The following OPLAH variants were observed in gnomAD, a reference collection of about 807,000 sequenced individuals.
OPLAH encodes 5-oxoprolinase.
Under a neutral mutation model 122.8 loss-of-function variants are expected in OPLAH, and 103 were observed. The ratio of observed to expected loss-of-function variants is 0.84; its 90% CI spans 0.71 to 0.99. The LOEUF is 0.99. Ranked by LOEUF, OPLAH falls within the 50% of genes least tolerant of loss-of-function variation. The pLI, the probability that OPLAH is intolerant of heterozygous loss-of-function variation, is 0.00. For missense variants in OPLAH, 1,902 were observed against 1,836.5 expected, an observed-to-expected ratio of 1.04 and a Z score of -0.65; for synonymous variants, 875 against 796.0, an observed-to-expected ratio of 1.10 and a Z score of -1.67.
upstream of OPLAH, among the ~76,000 whole-genome samples, chr8:144,062,461 C>G (rs1344155820): frequency 6.6e-6 from 1 of 151,856 alleles, no homozygotes; most frequent in Non-Finnish European, 1.5e-5. Context: ...CCTGCCTGCT[C>G]TGAGCAGTCC....
chr8:144,060,059 G>A lies in OPLAH; in HGVS notation c.-27C>T, dbSNP rs782075458. Reference sequence around the variant, plus strand: ...GTGGTGGGGCTGGAGTCCCACAGGAGCTCTTCAGCTGGTAGCCCTGGAAAA... The same window carrying A: ...GTGGTGGGGCTGGAGTCCCACAGGAACTCTTCAGCTGGTAGCCCTGGAAAA... On this transcript the variant is annotated 5_prime_UTR_variant, in exon 2 of 27. Transcript: ENST00000618853. 6.2e-7 allele frequency: 1 copy of A among 1,601,950 alleles called. No individual in the cohort carries two copies. The highest frequency in any genetic ancestry group is 8.5e-7 in the Non-Finnish European group (1 of 1,174,280).
At position 144,058,145 on chromosome 8, in the gene OPLAH, G is replaced by A. The variant is rs1554759854; in HGVS notation, c.953C>T (p.Thr318Met). Reference sequence around the variant, plus strand: ...AGCATAGCGGCTCACATCCGTGGACGTGCCTGGCAGGGGTGGGGTGCTGGT... The same window carrying A: ...AGCATAGCGGCTCACATCCGTGGACATGCCTGGCAGGGGTGGGGTGCTGGT... ...QPVIGFDMGG[T>M]STDVSRYAGE... is the part of the protein sequence containing the mutation. The change falls in exon 8 of 27, where the codon ACG (threonine) becomes ATG (methionine). Residue 318 changes from threonine (T) to methionine (M), a missense_variant. By Grantham distance (81) the Thr-to-Met change is moderately conservative. Around this residue, in one of 3 missense-constraint regions of OPLAH, gnomAD observed 1,726 missense variants for 1,642.1 expected, o/e 1.05. Coordinates refer to ENST00000618853, the MANE Select transcript of OPLAH (RefSeq NM_017570.5). 1.2e-5 allele frequency: 19 copies of A among 1,612,152 alleles called. No individual in the cohort carries two copies. The highest frequency in any genetic ancestry group is 1.2e-4 in the Admixed American group (7 of 59,984).
In OPLAH at chr8:144,058,403, T is replaced by C; in HGVS notation, c.785A>G (p.Asp262Gly). The C allele has an allele frequency of 6.3e-7, 1 of 1,588,528 alleles. No individual in the cohort carries two copies. The highest frequency in any genetic ancestry group is 1.7e-5 in the Admixed American group (1 of 58,048). Residue 262 changes from aspartate (D) to glycine (G), a missense_variant and splice_region_variant, in exon 7 of 27, where the codon GAT becomes GGT. Around this residue, in one of 3 missense-constraint regions of OPLAH, gnomAD observed 1,726 missense variants for 1,642.1 expected, o/e 1.05. Transcript: ENST00000618853. ...FCRGFQGQLK[D>G]VQVLFMRSDG... The stretch of plus-strand genomic sequence containing the variant: ...GGAGCGCATGAACAACACCTGCACA[T>C]CCTGCGAGCGGGCAGCAGGCGGGCC...
upstream of OPLAH, among the ~76,000 whole-genome samples, chr8:144,061,683 T>TTTC: frequency 6.6e-6 from 1 of 152,148 alleles, no homozygotes; most frequent in African/African-American, 2.4e-5. Context: ...AGGGGAGGCA[T>TTTC]TAATAATCCA....
chr8:144,057,070 C>T lies in OPLAH; in HGVS notation c.1584G>A (p.Val528=), dbSNP rs188318488. The change falls in exon 12 of 27, where the codon GTG becomes GTA. Residue 528 remains valine (V), a synonymous_variant. Transcript: ENST00000618853. ...GGGAGCAGGGTTCCTGTGCCTCATG[C>T]ACCACGTCAGCCAGGGCCAGCCCCA... The part of the protein sequence containing the change: ...SALGLALADV[V]HEAQEPCSLL... The T allele has an allele frequency of 8.3e-5, 133 of 1,602,676 alleles. No individual in the cohort carries two copies. The highest frequency in any genetic ancestry group is 3.3e-4 in the Middle Eastern group (2 of 6,036).
In OPLAH at chr8:144,052,677, C is replaced by T. The variant is rs1835413327; in HGVS notation, c.3154-79G>A. On this transcript the variant is annotated intron_variant, in intron 22 of 26. Transcript: ENST00000618853. ...AGCACCCCACCCCCCGCCCCAGCAC[C>T]CGTGGGGTCAGACCGTGGCTGGGCC... is the stretch of plus-strand genomic sequence containing the variant. 3 of 1,535,666 alleles carry T rather than the reference C, an allele frequency of 2.0e-6. No homozygotes were observed. In the African/African-American group the frequency reaches 4.1e-5, roughly 21 times the overall value.
rs782270790 is a variant in OPLAH at position 144,059,668 on chromosome 8, C to T, written c.294G>A (p.Leu98=). The T allele has an allele frequency of 9.3e-6, 15 of 1,612,400 alleles. No homozygotes were observed. In the East Asian group the frequency reaches 3.3e-4, roughly 36 times the overall value. Residue 98 remains leucine, a synonymous_variant, in exon 3 of 27, where the codon CTG becomes CTA. Coordinates refer to ENST00000618853, the MANE Select transcript of OPLAH (RefSeq NM_017570.5). ...LLERKGERVA[L]LVTRGFRDLL... ...GGTCTCGGAAGCCACGTGTCACCAG[C>T]AGCGCCACCCGCTCCCCCTTCCGCT... is the stretch of plus-strand genomic sequence containing the variant.
intron 19 of OPLAH, 131 bp downstream of exon 19, chr8:144,054,430 C>G: frequency 9.9e-7 from 1 of 1,008,442 alleles, no homozygotes; most frequent in Non-Finnish European, 1.4e-6. Context: ...GGGGTAACCA[C>G]CTATCTCCTC....
chr8:144,052,523 C>T lies in OPLAH; in HGVS notation c.3229G>A (p.Gly1077Ser), dbSNP rs1226196479. The change falls in exon 23 of 27, where the codon GGC becomes AGC. Residue 1077 changes from glycine to serine, a missense_variant. This residue lies in a region of OPLAH where 1,726 missense variants were observed against 1,642.1 expected (regional missense o/e 1.05). Transcript: ENST00000618853. ...CGCTGCGACGTGAGCACGTTGCCGC[C>T]CACCACCGCCGCCTCGGGCGACGGG... ...LDPSPEAAVVGGNVLTSQRVV... is the reference protein window; with the variant it reads ...LDPSPEAAVVSGNVLTSQRVV... The T allele has an allele frequency of 3.8e-6, 6 of 1,586,526 alleles. No individual in the cohort carries two copies. Among genetic ancestry groups the T allele is most frequent in the South Asian group, 1.1e-5 (1 of 88,554 alleles).
In OPLAH at chr8:144,056,269, G is replaced by A. The variant is rs1421462272; in HGVS notation, c.1984-10C>T. On this transcript the variant is annotated splice_polypyrimidine_tract_variant and intron_variant, in intron 14 of 26. Coordinates refer to ENST00000618853, the MANE Select transcript of OPLAH (RefSeq NM_017570.5). ...AGTAGCACTGGGTCATCTGCAGAGG[G>A]TGCGGGTGAGTACAGCGCCCGGGCC... 6 of 1,608,462 alleles carry A rather than the reference G, an allele frequency of 3.7e-6. No individual in the cohort carries two copies. Among genetic ancestry groups the A allele is most frequent in the Non-Finnish European group, 4.3e-6 (5 of 1,176,392 alleles).
chr8:144,057,985 C>T, intron 8 of OPLAH, 25 bp downstream of exon 8: 1 of 1,612,146 alleles, frequency 6.2e-7, no homozygotes, highest in Non-Finnish European at 8.5e-7. Context: ...GCTGGGGTCC[C>T]AGCCTGGGAA....
rs902011257 is a variant in OPLAH at position 144,052,831 on chromosome 8, C to T, written c.3088G>A (p.Val1030Ile). 3 of 1,557,512 alleles carry T rather than the reference C, an allele frequency of 1.9e-6. No individual in the cohort carries two copies. The highest frequency in any genetic ancestry group is 1.4e-5 in the African/African-American group (1 of 73,254). The stretch of plus-strand genomic sequence containing the variant: ...CAGTAGATGAGGGCGGACAGGGTTA[C>T]GGCCCGCGGTGCGTTGAGATTACCA... The part of the protein sequence containing the change: ...VFGNLNAPRA[V>I]TLSALIYCLR... The change falls in exon 22 of 27, where the codon GTA (valine) becomes ATA (isoleucine). Residue 1030 changes from valine (V) to isoleucine (I), a missense_variant. Physicochemically the swap from Val to Ile is conservative, Grantham distance 29. Transcript: ENST00000618853.
At position 144,051,342 on chromosome 8, in the gene OPLAH, G is replaced by A. The variant is rs782683595; in HGVS notation, c.3851C>T (p.Ala1284Val). The A allele has an allele frequency of 3.1e-6, 5 of 1,611,604 alleles. No homozygotes were observed. The highest frequency in any genetic ancestry group is 2.2e-5 in the East Asian group (1 of 44,708). The change falls in exon 27 of 27, where the codon GCC becomes GTC. Residue 1284 changes from alanine (A) to valine (V), a missense_variant. Transcript: ENST00000618853. The stretch of plus-strand genomic sequence containing the variant: ...GCGGGATCCTCACACGGCCTCCTGG[G>A]CCCGGCGATACTCATAGACGCTGCC... ...EHGSVYEYRR[A>V]QEAV
chr8:144,052,598 C>A lies in OPLAH; in HGVS notation c.3154G>T (p.Gly1052Cys). The change falls in exon 23 of 27, where the codon GGC (glycine) becomes TGC (cysteine). Residue 1052 changes from glycine to cysteine, a missense_variant and splice_region_variant. Around this residue, in one of 3 missense-constraint regions of OPLAH, gnomAD observed 1,726 missense variants for 1,642.1 expected, o/e 1.05. Transcript: ENST00000618853. ...LVGRDIPLNQ[G>C]CLAPVRVVIP... ...ACCACGCGCACTGGCGCCAGGCAGCCCTGTGCGGGGCGGGCGGCTCTCAGG... is the reference window on the plus strand; with the variant it reads ...ACCACGCGCACTGGCGCCAGGCAGCACTGTGCGGGGCGGGCGGCTCTCAGG... 1.3e-6 allele frequency: 2 copies of A among 1,593,554 alleles called. No homozygotes were observed. Among genetic ancestry groups the A allele is most frequent in the Non-Finnish European group, 1.7e-6 (2 of 1,175,722 alleles).
Position 144,058,413 on chromosome 8 carries a change from G to A in OPLAH, c.784-9C>T, listed in dbSNP as rs1046292529. 76 of 1,587,776 alleles carry A rather than the reference G, an allele frequency of 4.8e-5. No individual in the cohort carries two copies. Among genetic ancestry groups the A allele is most frequent in the South Asian group, 6.7e-5 (6 of 89,906 alleles). On this transcript the variant is annotated splice_polypyrimidine_tract_variant and intron_variant, in intron 6 of 26. Coordinates refer to ENST00000618853, the MANE Select transcript of OPLAH (RefSeq NM_017570.5). Reference sequence around the variant, plus strand: ...AACAACACCTGCACATCCTGCGAGCGGGCAGCAGGCGGGCCATGAGGGGCA... The same window carrying A: ...AACAACACCTGCACATCCTGCGAGCAGGCAGCAGGCGGGCCATGAGGGGCA...
intron 5 of OPLAH, 31 bp downstream of exon 5, chr8:144,058,742 C>G (rs782574872): frequency 1.3e-6 from 2 of 1,582,590 alleles, no homozygotes; most frequent in Non-Finnish European, 1.7e-6. Flanking sequence ...CCGGCACCTG[C>G]TCCCGCAGCC....
Position 144,054,747 on chromosome 8 carries a change from A to G in OPLAH, c.2512-12T>C, listed in dbSNP as rs372390512. On this transcript the variant is annotated splice_polypyrimidine_tract_variant and intron_variant, in intron 18 of 26. Transcript: ENST00000618853. ...CCCGGCCAAAACACCTAGCGGGTGG[A>G]GAGCCACGGTCAGCTGCATCGGCCA... 32 of 1,612,010 alleles carry G rather than the reference A, an allele frequency of 2.0e-5. No homozygotes were observed. The highest frequency in any genetic ancestry group is 2.7e-5 in the African/African-American group (2 of 74,866).
chr8:144,052,947 C>T, intron 21 of OPLAH, 36 bp downstream of exon 21: 1 of 1,575,832 alleles, frequency 6.3e-7, no homozygotes, highest in South Asian at 1.2e-5. Flanking sequence ...CCGCACCGTG[C>T]CCCTGCCGCC....
rs782287394 is a variant in OPLAH, at chr8:144,059,716, T to C, written c.246A>G (p.Thr82=). ...SHIASIRMGT[T]VATNALLERK... ...GCTCCAGCAGTGCGTTGGTGGCCAC[T>C]GTGGTGCCCATGCGGATGCTGGCGA... Residue 82 remains threonine, a synonymous_variant, in exon 3 of 27, where the codon ACA becomes ACG. Transcript: ENST00000618853. 6.2e-7 allele frequency: 1 copy of C among 1,611,662 alleles called. No individual in the cohort carries two copies. Among genetic ancestry groups the C allele is most frequent in the Non-Finnish European group, 8.5e-7 (1 of 1,179,734 alleles).
Sources: gnomAD v4.1 joint callset for allele counts (sites outside exome capture counted in the v4.1 genomes callset) on GRCh38, gnomAD v4.1.1 for gene constraint, gnomAD v4.1.1 regional missense constraint, MANE v1.5 for transcripts, NCBI Gene and HGNC (gene_info 2026-07-23, HGNC 2026-07-21) for gene names.